Variants in SPAG16 observed in about 807,000 individuals in gnomAD.
The protein encoded by SPAG16 is sperm associated antigen 16.
SPAG16 carries 86 observed loss-of-function variants against 80.4 expected under a neutral mutation model. The observed-to-expected ratio is 1.07, with a 90% CI of 0.90 to 1.28. The LOEUF is 1.28. Among genes scored for constraint, SPAG16 ranks in the 50% most tolerant of loss-of-function variants. The pLI is 0.00. For synonymous variants in SPAG16, 294 were observed against 265.9 expected (o/e 1.11, Z -1.03); for missense variants, 870 against 765.3 (o/e 1.14, Z -1.61).
intron 12 of SPAG16, among the ~76,000 whole-genome samples, chr2:213,968,776 A>G (rs2044858380): frequency 1.3e-5 from 2 of 152,242 alleles, no homozygotes; most frequent in Admixed American, 1.3e-4. Flanking sequence ...AATGTGAATC[A>G]TAATATATAT....
chr2:213,329,855 T>C (rs929503050), intron 5 of SPAG16, among the ~76,000 whole-genome samples: 1 of 152,158 alleles, frequency 6.6e-6, no homozygotes, highest in Non-Finnish European at 1.5e-5. Context: ...GTCCCTCTGC[T>C]GTGTGCATTC....
intron 15 of SPAG16, among the ~76,000 whole-genome samples, chr2:214,198,414 T>C (rs2057908917): frequency 6.6e-6 from 1 of 152,076 alleles, no homozygotes; most frequent in Non-Finnish European, 1.5e-5. Flanking sequence ...TCCATCCAAG[T>C]TTCTGCAAAA....
chr2:213,467,560 G>T (rs903362401), intron 9 of SPAG16, among the ~76,000 whole-genome samples: 2 of 152,354 alleles, frequency 1.3e-5, no homozygotes, highest in East Asian at 3.8e-4. Context: ...TAAGGGAGGA[G>T]GGGAGGCCTG....
intron 15 of SPAG16, among the ~76,000 whole-genome samples, chr2:214,155,219 G>GA (rs1188172009): frequency 2.6e-5 from 4 of 152,192 alleles, no homozygotes; most frequent in East Asian, 3.9e-4. Context: ...CCTGAGGCCA[G>GA]AAAAAAATCT....
intron 15 of SPAG16, among the ~76,000 whole-genome samples, chr2:214,374,174 T>G (rs1699987377): frequency 6.6e-6 from 1 of 152,224 alleles, no homozygotes; most frequent in African/African-American, 2.4e-5. Flanking sequence ...TATGGGCAAC[T>G]TGTAAACACT....
chr2:213,414,173 A>G (rs1340936571), intron 9 of SPAG16, among the ~76,000 whole-genome samples: 2 of 152,190 alleles, frequency 1.3e-5, no homozygotes. Context: ...GTAGTCTCCA[A>G]ACATAGACCC....
chr2:214,291,119 G>C (rs976457264), intron 15 of SPAG16, among the ~76,000 whole-genome samples: 2 of 151,700 alleles, frequency 1.3e-5, no homozygotes, highest in African/African-American at 4.8e-5. Flanking sequence ...AATGGCCTTT[G>C]TTTTTTCTTT....
At chr2:213,415,130 C>A (rs2069179657) in intron 9 of SPAG16, among the ~76,000 whole-genome samples, 1 of 152,204 alleles carries the variant, frequency 6.6e-6, no homozygotes, top group South Asian at 2.1e-4. Flanking sequence ...AGAGCCAAAC[C>A]ATATCAGGCA....
At chr2:214,047,855 C>G (rs1259570165) in intron 13 of SPAG16, among the ~76,000 whole-genome samples, 1 of 152,074 alleles carries the variant, frequency 6.6e-6, no homozygotes, top group Non-Finnish European at 1.5e-5. Flanking sequence ...AATTCTAATA[C>G]TCTGATTTAA....
chr2:213,950,179 T>A (rs900512150), intron 12 of SPAG16, among the ~76,000 whole-genome samples: 1 of 152,204 alleles, frequency 6.6e-6, no homozygotes, highest in African/African-American at 2.4e-5. Flanking sequence ...AAGAAAAGGT[T>A]CGTGTAGTGT....
intron 11 of SPAG16, among the ~76,000 whole-genome samples, chr2:213,874,634 T>C (rs939712739): frequency 3.9e-5 from 6 of 152,272 alleles, no homozygotes; most frequent in Middle Eastern, 3.4e-3. Flanking sequence ...CCATATGGCA[T>C]TATGAAGGTT....
intron 15 of SPAG16, among the ~76,000 whole-genome samples, chr2:214,224,273 T>A (rs1003036389): frequency 1.4e-4 from 21 of 152,208 alleles, no homozygotes; most frequent in African/African-American, 4.3e-4. Flanking sequence ...TATTGATGAT[T>A]TTGCTAACTA....
intron 10 of SPAG16, among the ~76,000 whole-genome samples, chr2:213,543,853 C>T (rs1038203939): frequency 6.6e-6 from 1 of 152,038 alleles, no homozygotes; most frequent in Non-Finnish European, 1.5e-5. Context: ...GGAATTTTCA[C>T]TGGAATTGTG....
chr2:213,468,646 A>G (rs1470724007), intron 9 of SPAG16, among the ~76,000 whole-genome samples: 1 of 145,784 alleles, frequency 6.9e-6, no homozygotes, highest in African/African-American at 2.5e-5. Context: ...AATATCTCCT[A>G]TATCTCCTAT....
At chr2:213,738,592 C>T (rs1264100581) in intron 10 of SPAG16, among the ~76,000 whole-genome samples, 1 of 152,114 alleles carries the variant, frequency 6.6e-6, no homozygotes, top group East Asian at 1.9e-4. Context: ...TAACTTATAT[C>T]AATACAGAGG....
At chr2:213,436,785 C>G (rs78692372) in intron 9 of SPAG16, among the ~76,000 whole-genome samples, 3,535 of 152,136 alleles carry the variant, frequency 0.023, 58 homozygotes, top group South Asian at 0.037. Context: ...AATTTCTTCT[C>G]TTTTATGGGA....
At chr2:213,432,802 A>G (rs1194214704) in intron 9 of SPAG16, among the ~76,000 whole-genome samples, 5 of 152,206 alleles carry the variant, frequency 3.3e-5, no homozygotes, top group Non-Finnish European at 5.9e-5. Context: ...GCACTAAAAT[A>G]GAAAAGTATA....
chr2:213,453,905 T>G (rs1375313319), intron 9 of SPAG16, among the ~76,000 whole-genome samples: 2 of 152,218 alleles, frequency 1.3e-5, no homozygotes, highest in Admixed American at 6.5e-5. Flanking sequence ...GATTCAATAT[T>G]AAAAAGCAAA....
rs116546580 is a variant in SPAG16 at position 214,381,763 on chromosome 2, T to C, written c.1721-28377T>C. ...AAGTAGTAGTCAATCTGTTACTTAA[T>C]CCAATCCAAACAAAGCAAAGCTAAA... On this transcript the variant is annotated intron_variant, in intron 15 of 15. Transcript: ENST00000331683. 2.6e-3 allele frequency among the ~76,000 whole-genome samples: 389 copies of C among 152,288 alleles called. 1 individual carries two copies. Among genetic ancestry groups the C allele is most frequent in the African/African-American group, 9.1e-3 (378 of 41,556 alleles).
Sources: gnomAD v4.1 joint callset for allele counts (sites outside exome capture counted in the v4.1 genomes callset) on GRCh38, gnomAD v4.1.1 for gene constraint, MANE v1.5 for transcripts, NCBI Gene and HGNC (gene_info 2026-07-23, HGNC 2026-07-21) for gene names.